Variants in WDR82 observed in about 807,000 individuals in gnomAD.
The protein encoded by WDR82 is WD repeat domain 82, also known as WD repeat-containing protein 82.
In WDR82, 8 loss-of-function variants were observed where a neutral mutation model predicts 36.1. That is an observed-to-expected ratio of 0.22 (90% CI 0.13 to 0.40). The LOEUF (loss-of-function observed/expected upper bound fraction) is 0.40. WDR82 is among the 10% of genes least tolerant of loss of function. The pLI is 1.00. For synonymous variants in WDR82, 129 were observed against 137.8 expected, an observed-to-expected ratio of 0.94 and a Z score of 0.45; for missense variants, 185 against 400.5, an observed-to-expected ratio of 0.46 and a Z score of 4.59.
At chr3:52,274,103 C>A (rs1437476301) in intron 1 of WDR82, among the ~76,000 whole-genome samples, 1 of 152,218 alleles carries the variant, frequency 6.6e-6, no homozygotes, top group African/African-American at 2.4e-5. Flanking sequence ...GCTTCACCTA[C>A]CACAAACAAT....
chr3:52,262,897 G>T (rs1700073545), intron 3 of WDR82, among the ~76,000 whole-genome samples: 1 of 152,224 alleles, frequency 6.6e-6, no homozygotes, highest in South Asian at 2.1e-4. Context: ...GGGAGGCCCA[G>T]GTGGGCGATC....
In WDR82 at chr3:52,261,360, T is replaced by C. The variant is rs200958803; in HGVS notation, c.426+20A>G. ...TACCAAAGAAAATGCTCAAAAAGTA[T>C]AACTGTGAGGTACCATTACCTGGCA... On this transcript the variant is annotated intron_variant, in intron 4 of 8. Coordinates refer to ENST00000296490, the MANE Select transcript of WDR82 (RefSeq NM_025222.4). 6.2e-7 allele frequency: 1 copy of C among 1,602,054 alleles called. No homozygotes were observed. Among genetic ancestry groups the C allele is most frequent in the East Asian group, 2.3e-5 (1 of 44,398 alleles).
intron 8 of WDR82, among the ~76,000 whole-genome samples, chr3:52,258,112 C>G (rs1436619858): frequency 1.3e-5 from 2 of 152,082 alleles, no homozygotes; most frequent in Non-Finnish European, 2.9e-5. Flanking sequence ...GGAGTTAATT[C>G]TAAGTGGTGA....
At chr3:52,265,335 A>AAAAAAAAG (rs1700096670) in intron 3 of WDR82, among the ~76,000 whole-genome samples, 1 of 137,038 alleles carries the variant, frequency 7.3e-6, no homozygotes, top group Non-Finnish European at 1.6e-5. Context: ...AAAAAAAAAA[A>AAAAAAAAG]GAATCAGGAG....
intron 5 of WDR82, 67 bp from the exon 6 acceptor site, chr3:52,259,939 T>A: frequency 6.6e-7 from 1 of 1,525,004 alleles, no homozygotes; most frequent in Non-Finnish European, 8.8e-7. Context: ...CCAATTCCCA[T>A]CCTATTCCTT....
chr3:52,265,566 CTTT>C (rs959125432), intron 3 of WDR82, among the ~76,000 whole-genome samples: 6 of 120,740 alleles, frequency 5.0e-5, no homozygotes, highest in South Asian at 2.6e-4. Context: ...GGAAGTGCAA[CTTT>C]TTTTTTTTTT....
intron 1 of WDR82, chr3:52,277,992 A>G: frequency 2.5e-6 from 1 of 402,530 alleles, no homozygotes; most frequent in Non-Finnish European, 4.3e-6. Flanking sequence ...AAATAATATT[A>G]TAAAATTATG....
intron 6 of WDR82, 100 bp from the exon 7 acceptor site, chr3:52,259,366 T>C (rs1175675459): frequency 4.1e-6 from 5 of 1,209,086 alleles, no homozygotes; most frequent in South Asian, 1.3e-5. Context: ...TTCCTTTCCA[T>C]GAAACCCTTT....
At chr3:52,258,846 TCTTGACCCTAG>T (rs1300103172) in intron 7 of WDR82, among the ~76,000 whole-genome samples, 168 bp from the exon 8 acceptor site, 1 of 152,208 alleles carries the variant, frequency 6.6e-6, no homozygotes, top group Non-Finnish European at 1.5e-5. Flanking sequence ...TGGAAATTTA[TCTTGACCCTAG>T]CTATTTGTTC....
At chr3:52,266,898 T>C (rs977530543) in intron 3 of WDR82, 54 bp downstream of exon 3, 1 of 1,482,172 alleles carries the variant, frequency 6.7e-7, no homozygotes, top group Non-Finnish European at 9.4e-7. Flanking sequence ...TTCTATTCTC[T>C]GGGTAACCTC....
chr3:52,258,119 G>A (rs989419388), intron 8 of WDR82, among the ~76,000 whole-genome samples: 1 of 152,102 alleles, frequency 6.6e-6, no homozygotes, highest in Non-Finnish European at 1.5e-5. Flanking sequence ...ATTCTAAGTG[G>A]TGAGTTATGA....
intron 5 of WDR82, among the ~76,000 whole-genome samples, chr3:52,260,084 A>G (rs1035597793): frequency 1.1e-4 from 17 of 152,140 alleles, no homozygotes; most frequent in African/African-American, 4.1e-4. Flanking sequence ...TAATCCCAGC[A>G]CTTTGGGAGG....
chr3:52,259,127 T>C (rs1394001460), intron 7 of WDR82, 70 bp downstream of exon 7: 2 of 1,366,758 alleles, frequency 1.5e-6, no homozygotes, highest in Non-Finnish European at 2.1e-6. Context: ...AATGTCTCAG[T>C]TAATAATTTA....
intron 5 of WDR82, among the ~76,000 whole-genome samples, chr3:52,260,084 A>C (rs1035597793): frequency 1.3e-5 from 2 of 152,140 alleles, no homozygotes; most frequent in Non-Finnish European, 2.9e-5. Context: ...TAATCCCAGC[A>C]CTTTGGGAGG....
At chr3:52,264,156 C>T (rs1019802569) in intron 3 of WDR82, among the ~76,000 whole-genome samples, 6 of 152,022 alleles carry the variant, frequency 3.9e-5, no homozygotes, top group Admixed American at 6.6e-5. Flanking sequence ...CGGTGAGCCT[C>T]CATCTCAAAA....
intron 2 of WDR82, among the ~76,000 whole-genome samples, chr3:52,270,158 C>T (rs1036610591): frequency 1.3e-5 from 2 of 152,190 alleles, no homozygotes; most frequent in Non-Finnish European, 2.9e-5. Context: ...CTCACTCTGT[C>T]GCCCAGGCTG....
At chr3:52,269,740 AAC>A (rs1216593670) in intron 2 of WDR82, among the ~76,000 whole-genome samples, 1 of 152,212 alleles carries the variant, frequency 6.6e-6, no homozygotes, top group Non-Finnish European at 1.5e-5. Context: ...AAAAAATAAA[AAC>A]AGACAAACAA....
At chr3:52,270,587 C>T in intron 2 of WDR82, 125 bp downstream of exon 2, 1 of 735,192 alleles carries the variant, frequency 1.4e-6, no homozygotes, top group Non-Finnish European at 2.2e-6. Context: ...ATGCAATTAA[C>T]ATTACTAACA....
chr3:52,271,882 T>G (rs1170279223), intron 1 of WDR82, among the ~76,000 whole-genome samples: 1 of 152,040 alleles, frequency 6.6e-6, no homozygotes, highest in Admixed American at 6.5e-5. Flanking sequence ...TCACCTGTAG[T>G]CAGAAGTTCG....
Sources: gnomAD v4.1 joint callset for allele counts (sites outside exome capture counted in the v4.1 genomes callset) on GRCh38, gnomAD v4.1.1 for gene constraint, MANE v1.5 for transcripts, NCBI Gene and HGNC (gene_info 2026-07-23, HGNC 2026-07-21) for gene names.